Variants in PRKN observed in about 807,000 individuals in gnomAD.
The protein encoded by PRKN is E3 ubiquitin-protein ligase parkin.
A neutral mutation model predicts 59.5 loss-of-function variants in PRKN; 56 were observed. The observed-to-expected ratio is 0.94, with a 90% CI of 0.76 to 1.18. The LOEUF is 1.18. PRKN is among the 50% of genes most tolerant of loss of function. The pLI is 0.00. For missense variants in PRKN, 657 were observed against 596.4 expected, an observed-to-expected ratio of 1.10 and a Z score of -1.06; for synonymous variants, 250 against 222.1, an observed-to-expected ratio of 1.13 and a Z score of -1.12.
intron 2 of PRKN, among the ~76,000 whole-genome samples, chr6:162,334,992 G>T (rs924140195): frequency 6.6e-6 from 1 of 152,012 alleles, no homozygotes; most frequent in East Asian, 1.9e-4. Flanking sequence ...TTGAATGGAT[G>T]AAGAGTTGTT....
chr6:162,380,275 G>A (rs1786358228), intron 2 of PRKN, among the ~76,000 whole-genome samples: 1 of 151,698 alleles, frequency 6.6e-6, no homozygotes, highest in Non-Finnish European at 1.5e-5. Flanking sequence ...TCAGTTTACA[G>A]AAGAGATTTC....
intron 4 of PRKN, among the ~76,000 whole-genome samples, chr6:162,188,670 TA>T (rs968243103): frequency 2.0e-5 from 3 of 151,986 alleles, no homozygotes; most frequent in Admixed American, 6.6e-5. Context: ...TGTCCCTTTT[TA>T]ATGCTTGAAT....
intron 6 of PRKN, among the ~76,000 whole-genome samples, chr6:161,873,515 C>T (rs977677776): frequency 1.3e-5 from 2 of 149,920 alleles, no homozygotes; most frequent in Non-Finnish European, 2.9e-5. Context: ...AGGAAAATCG[C>T]CGGTAGCATC....
intron 5 of PRKN, among the ~76,000 whole-genome samples, chr6:162,002,175 G>C (rs1013819935): frequency 2.0e-5 from 3 of 151,950 alleles, no homozygotes; most frequent in Non-Finnish European, 4.4e-5. Context: ...GCTTCATAGA[G>C]GGAATTAGAA....
At chr6:162,318,752 C>T (rs939232992) in intron 2 of PRKN, among the ~76,000 whole-genome samples, 1 of 151,910 alleles carries the variant, frequency 6.6e-6, no homozygotes, top group African/African-American at 2.4e-5. Flanking sequence ...TTGAAAGTTA[C>T]ATTTTATAAA....
intron 1 of PRKN, among the ~76,000 whole-genome samples, chr6:162,700,137 C>T (rs1323520606): frequency 1.3e-5 from 2 of 152,172 alleles, no homozygotes; most frequent in Non-Finnish European, 2.9e-5. Context: ...GGTATACAAG[C>T]ATCTGGACCT....
chr6:161,731,247 C>A (rs1357986489), intron 7 of PRKN, among the ~76,000 whole-genome samples: 6 of 152,222 alleles, frequency 3.9e-5, no homozygotes, highest in Non-Finnish European at 8.8e-5. Context: ...AAACAATGGA[C>A]CCATCCATGG....
chr6:161,874,802 AAG>A (rs1234545176), intron 6 of PRKN, among the ~76,000 whole-genome samples: 7 of 81,300 alleles, frequency 8.6e-5, no homozygotes, highest in Admixed American at 3.3e-4. Context: ...TAAAATGTAT[AAG>A]ATATATAAAA....
intron 9 of PRKN, among the ~76,000 whole-genome samples, chr6:161,522,175 G>A (rs750002239): frequency 2.0e-5 from 3 of 152,096 alleles, no homozygotes; most frequent in African/African-American, 2.4e-5. Context: ...TCCCCAGCAC[G>A]TTAAAAAAAT....
chr6:161,921,977 T>C (rs534782871), intron 6 of PRKN, among the ~76,000 whole-genome samples: 2 of 152,342 alleles, frequency 1.3e-5, no homozygotes, highest in South Asian at 4.1e-4. Context: ...AAGGCAGATG[T>C]CAGCCTCAAT....
chr6:162,554,451 G>A (rs368284619), intron 1 of PRKN, among the ~76,000 whole-genome samples: 2 of 152,134 alleles, frequency 1.3e-5, no homozygotes, highest in East Asian at 3.9e-4. Context: ...GCAGTGAGCC[G>A]AGATCGCCCC....
intron 6 of PRKN, among the ~76,000 whole-genome samples, chr6:161,901,785 CAGAG>C (rs750840301): frequency 6.6e-6 from 1 of 152,264 alleles, no homozygotes; most frequent in Non-Finnish European, 1.5e-5. Flanking sequence ...TGCATTTGAA[CAGAG>C]AGAGGTATGA....
intron 4 of PRKN, among the ~76,000 whole-genome samples, chr6:162,128,836 C>T (rs1014755297): frequency 2.0e-5 from 3 of 152,126 alleles, no homozygotes; most frequent in Non-Finnish European, 2.9e-5. Context: ...AGAAGGTGCC[C>T]ATCTATGAGA....
chr6:162,382,650 A>C (rs778377182), intron 2 of PRKN, among the ~76,000 whole-genome samples: 3 of 152,204 alleles, frequency 2.0e-5, no homozygotes, highest in Non-Finnish European at 4.4e-5. Flanking sequence ...GGTGGTTGCT[A>C]GAAGTTGGGA....
In PRKN at chr6:161,748,727, C is replaced by T. The variant is rs114518445; in HGVS notation, c.871+37045G>A. ...CAGTGAGAAGGGGCACTTGGGAAGA[C>T]GCGGGGAGTGTATGGAGAGCCATAC... is the stretch of plus-strand genomic sequence containing the variant. On this transcript the variant is annotated intron_variant, in intron 7 of 11. Coordinates refer to ENST00000366898, the MANE Select transcript of PRKN (RefSeq NM_004562.3). Among the ~76,000 whole-genome samples, 888 of 152,218 alleles carry T rather than the reference C, an allele frequency of 5.8e-3. 10 individuals carry two copies. The highest frequency in any genetic ancestry group is 0.021 in the African/African-American group (852 of 41,538).
intron 4 of PRKN, among the ~76,000 whole-genome samples, chr6:162,108,232 A>G (rs1780275272): frequency 6.6e-6 from 1 of 152,148 alleles, no homozygotes; most frequent in African/African-American, 2.4e-5. Flanking sequence ...CCAAAAGAGA[A>G]AGACAAGCCT....
chr6:162,528,050 T>TGGGAGATCGG (rs1562358430), intron 1 of PRKN, among the ~76,000 whole-genome samples: 3 of 31,312 alleles, frequency 9.6e-5, no homozygotes. Context: ...CCCAGCACTT[T>TGGGAGATCGG]GGGAGGTCGG....
At chr6:161,951,791 G>A (rs1008641327) in intron 6 of PRKN, among the ~76,000 whole-genome samples, 8 of 151,810 alleles carry the variant, frequency 5.3e-5, no homozygotes, top group African/African-American at 1.9e-4. Context: ...GCATGGTGAC[G>A]GGCCCCTGTA....
At chr6:162,358,832 G>T (rs2128133215) in intron 2 of PRKN, among the ~76,000 whole-genome samples, 1 of 151,938 alleles carries the variant, frequency 6.6e-6, no homozygotes, top group Non-Finnish European at 1.5e-5. Flanking sequence ...GGCCAAGGCG[G>T]GTGGATCACT....
Sources: allele counts gnomAD v4.1 joint callset (sites outside exome capture counted in the v4.1 genomes callset), GRCh38; gene constraint gnomAD v4.1.1; transcripts MANE v1.5; gene names NCBI Gene and HGNC (gene_info 2026-07-23, HGNC 2026-07-21).